TNRC18: variants seen among roughly 807,000 people sequenced by gnomAD.
The protein encoded by TNRC18 is trinucleotide repeat containing 18, also known as trinucleotide repeat-containing gene 18 protein.
In TNRC18, 69 loss-of-function variants were observed where a neutral mutation model predicts 226.7. The observed-to-expected ratio is 0.30, with a 90% CI of 0.25 to 0.37. The LOEUF (loss-of-function observed/expected upper bound fraction) is 0.37, where lower values mean the gene tolerates loss of function less well. Among genes scored for constraint, TNRC18 ranks in the 10% least tolerant of loss-of-function variants. The pLI is 1.00. For missense variants in TNRC18, 4,754 were observed against 4,256.6 expected, an observed-to-expected ratio of 1.12 and a Z score of -3.25; for synonymous variants, 2,449 against 1,927.6, an observed-to-expected ratio of 1.27 and a Z score of -7.09.
chr7:5,388,895 C>CGGGCAGCCTCCT lies in TNRC18; in HGVS notation c.917_928dup (p.Ala309_Arg310insGlnGluAlaAla), dbSNP rs1780044325. The stretch of plus-strand genomic sequence containing the variant: ...CAGCAGCCGCGCGCCCTCGTCCTGC[C>CGGGCAGCCTCCT]GGGCAGCCTCCTTGGCACCCCCGCG... On this transcript the variant is annotated inframe_insertion, in exon 5 of 30. Coordinates refer to ENST00000430969, the MANE Select transcript of TNRC18 (RefSeq NM_001080495.3). 4.4e-6 allele frequency: 6 copies of CGGGCAGCCTCCT among 1,356,536 alleles called. No individual in the cohort carries two copies. Among genetic ancestry groups the CGGGCAGCCTCCT allele is most frequent in the Non-Finnish European group, 5.7e-6 (6 of 1,050,696 alleles). The allele number at this position is 1,356,536 out of a possible 1,614,324, so 84.0% of individuals were successfully genotyped here.
intron 24 of TNRC18, among the ~76,000 whole-genome samples, chr7:5,317,731 G>C (rs918391623): frequency 6.8e-5 from 10 of 148,114 alleles, no homozygotes; most frequent in South Asian, 2.1e-4. Flanking sequence ...TTTTTGAGAT[G>C]GTGTCATTCT....
At chr7:5,401,244 G>A (rs1474908285) in intron 2 of TNRC18, among the ~76,000 whole-genome samples, 3 of 127,870 alleles carry the variant, frequency 2.3e-5, no homozygotes, top group African/African-American at 6.0e-5. Flanking sequence ...GGGCGGGGGG[G>A]CTGCATGTGA....
At chr7:5,329,969 C>T (rs753096482) in intron 19 of TNRC18, 10 of 470,966 alleles carry the variant, frequency 2.1e-5, no homozygotes, top group Admixed American at 4.7e-5. Flanking sequence ...GTAGCAGGAA[C>T]CTGGAACAGA....
intron 16 of TNRC18, among the ~76,000 whole-genome samples, chr7:5,356,035 A>C (rs1454533950): frequency 2.0e-5 from 3 of 151,980 alleles, no homozygotes; most frequent in African/African-American, 7.3e-5. Context: ...GTGGTGGCAC[A>C]AGCCTGTAGT....
rs991501131 is a variant in TNRC18, at chr7:5,376,960, G to A, written c.2495C>T (p.Ala832Val). Residue 832 changes from alanine to valine, a missense_variant, in exon 8 of 30, where the codon GCC (alanine) becomes GTC (valine). Ala to Val is a moderately conservative substitution (Grantham distance 64, BLOSUM62 0). Transcript: ENST00000430969. ...LGPPSLHQGM[A>V]PAFPPGLGGS... is the part of the protein sequence containing the mutation. ...CCCCAGGCCAGGTGGGAACGCAGGG[G>A]CCATGCCCTGGTGCAGAGATGGGGG... 9 of 1,588,590 alleles carry A rather than the reference G, an allele frequency of 5.7e-6. No individual in the cohort carries two copies. Among genetic ancestry groups the A allele is most frequent in the East Asian group, 2.3e-5 (1 of 43,756 alleles).
At chr7:5,367,836 T>C (rs1464600630) in intron 11 of TNRC18, among the ~76,000 whole-genome samples, 1 of 150,750 alleles carries the variant, frequency 6.6e-6, no homozygotes, top group Non-Finnish European at 1.5e-5. Context: ...TGCCTCCCAG[T>C]GGGGAGGGGG....
intron 2 of TNRC18, among the ~76,000 whole-genome samples, chr7:5,419,411 G>A (rs887448659): frequency 2.0e-5 from 3 of 152,170 alleles, no homozygotes; most frequent in Non-Finnish European, 4.4e-5. Flanking sequence ...GCTTGGGGGG[G>A]GCCCCCCTGC....
intron 2 of TNRC18, among the ~76,000 whole-genome samples, chr7:5,403,664 C>T (rs543407495): frequency 1.3e-5 from 2 of 152,150 alleles, no homozygotes; most frequent in South Asian, 4.2e-4. Flanking sequence ...TAGTGGTGTA[C>T]ACCTGTAGTC....
intron 1 of TNRC18, among the ~76,000 whole-genome samples, chr7:5,422,594 A>G (rs540318928): frequency 6.6e-6 from 1 of 152,156 alleles, no homozygotes; most frequent in South Asian, 2.1e-4. Context: ...GATCACGCCA[A>G]AGCCACCGGC....
chr7:5,332,613 G>C lies in TNRC18; in HGVS notation c.6147+9C>G. 1 of 1,519,238 alleles carries C rather than the reference G, an allele frequency of 6.6e-7. No individual in the cohort carries two copies. The highest frequency in any genetic ancestry group is 8.8e-7 in the Non-Finnish European group (1 of 1,135,640). The allele number at this position is 1,519,238 out of a possible 1,614,324, so 94.1% of individuals were successfully genotyped here. A position where few individuals can be genotyped will look rare whatever the true frequency, so the allele number is the denominator to read the frequency against. ...CTTCTGCGGCACCCCCTCCCAGCGC[G>C]GCCCCTACCTTCCTGGGGTCCTTCC... On this transcript the variant is annotated intron_variant, in intron 19 of 29. Transcript: ENST00000430969.
chr7:5,308,731 C>T, intron 29 of TNRC18, 144 bp downstream of exon 29: 4 of 842,204 alleles, frequency 4.7e-6, no homozygotes, highest in Non-Finnish European at 7.6e-6. Context: ...GAGCCAGGCA[C>T]TGAGAGTGGC....
intron 18 of TNRC18, 45 bp downstream of exon 18, chr7:5,345,517 G>GGGGGGGCGCCCCCCCCCCCCCCCCCC: frequency 2.6e-6 from 1 of 377,744 alleles, no homozygotes; most frequent in East Asian, 4.6e-5. Flanking sequence ...AATGGCGTCC[G>GGGGGGGCGCCCCCCCCCCCCCCCCCC]CCCCTCCCAC....
intron 9 of TNRC18, among the ~76,000 whole-genome samples, chr7:5,374,706 G>C (rs1269297635): frequency 6.6e-6 from 1 of 152,222 alleles, no homozygotes; most frequent in African/African-American, 2.4e-5. Flanking sequence ...AGGCAGCGCT[G>C]GGGGTGAGGA....
intron 5 of TNRC18, 50 bp from the exon 6 acceptor site, chr7:5,378,074 C>T (rs766548378): frequency 6.5e-7 from 1 of 1,533,512 alleles, no homozygotes; most frequent in South Asian, 1.1e-5. Flanking sequence ...CGAGCCCATC[C>T]CAGACCCATT....
At chr7:5,320,921 C>G (rs751573059) in intron 22 of TNRC18, among the ~76,000 whole-genome samples, 152 bp downstream of exon 22, 15 of 152,244 alleles carry the variant, frequency 9.9e-5, no homozygotes, top group Non-Finnish European at 1.8e-4. Flanking sequence ...CCCAGGGCCT[C>G]CCCGTCAGCT....
At position 5,421,303 on chromosome 7, in the gene TNRC18, G is replaced by A; in HGVS notation, c.-57C>T. 1 of 1,231,092 alleles carries A rather than the reference G, an allele frequency of 8.1e-7. No homozygotes were observed. The highest frequency in any genetic ancestry group is 1.0e-6 in the Non-Finnish European group (1 of 983,074). The allele number at this position is 1,231,092 out of a possible 1,614,324, so 76.3% of individuals were successfully genotyped here. A position where few individuals can be genotyped will look rare whatever the true frequency, so the allele number is the denominator to read the frequency against. ...CCCGGCCCGCAGGCCTAGCTCAGTGGGACCTAAAAGTTCGGCCTCGGCGTA... is the reference window on the plus strand; with the variant it reads ...CCCGGCCCGCAGGCCTAGCTCAGTGAGACCTAAAAGTTCGGCCTCGGCGTA... On this transcript the variant is annotated 5_prime_UTR_variant, in exon 2 of 30. Transcript: ENST00000430969.
intron 14 of TNRC18, among the ~76,000 whole-genome samples, chr7:5,359,776 G>T (rs574970597): frequency 6.6e-6 from 1 of 152,178 alleles, no homozygotes; most frequent in Non-Finnish European, 1.5e-5. Context: ...AGAGTTTAAG[G>T]TGAAAGAAGG....
Position 5,389,117 on chromosome 7 carries a change from C to T in TNRC18, c.707G>A (p.Arg236Gln). 2 of 1,318,868 alleles carry T rather than the reference C, an allele frequency of 1.5e-6. No individual in the cohort carries two copies. Among genetic ancestry groups the T allele is most frequent in the South Asian group, 3.4e-5 (2 of 59,386 alleles). 81.7% of individuals were successfully genotyped at this position (1,318,868 alleles called of 1,614,324 possible). ...CTCCTGGGTCAGGTCCACCACGCCC[C>T]GTGGCCCCGAGGCCTCCTCGCCCCG... The part of the protein sequence containing the change: ...RARGEEASGP[R>Q]GVVDLTQEAR... Residue 236 changes from arginine (R) to glutamine (Q), a missense_variant, in exon 5 of 30, where the codon CGG becomes CAG. Physicochemically the swap from Arg to Gln is conservative, Grantham distance 43. Transcript: ENST00000430969.
Position 5,377,583 on chromosome 7 carries a change from G to T in TNRC18, c.2256-7C>A. 1 of 1,572,280 alleles carries T rather than the reference G, an allele frequency of 6.4e-7. No homozygotes were observed. Among genetic ancestry groups the T allele is most frequent in the Non-Finnish European group, 8.6e-7 (1 of 1,158,838 alleles). ...AGCCAGCTCCTTACTCTCTCTGGAA[G>T]GAGGATCATAGGTGTCAGCGACAGC... On this transcript the variant is annotated splice_region_variant and splice_polypyrimidine_tract_variant and intron_variant, in intron 6 of 29. Coordinates refer to ENST00000430969, the MANE Select transcript of TNRC18 (RefSeq NM_001080495.3). The surrounding 1 kb of genome is among the most constrained non-coding windows in gnomAD (Gnocchi z 5.8).
Sources: allele counts gnomAD v4.1 joint callset (sites outside exome capture counted in the v4.1 genomes callset), GRCh38; gene constraint gnomAD v4.1.1; non-coding constraint Gnocchi (gnomAD v3.1); transcripts MANE v1.5; gene names NCBI Gene and HGNC (gene_info 2026-07-23, HGNC 2026-07-21).